DISP3: variants seen among roughly 807,000 people sequenced by gnomAD.
The protein encoded by DISP3 is protein dispatched homolog 3.
A neutral mutation model predicts 135.3 loss-of-function variants in DISP3; 101 were observed. The ratio of observed to expected loss-of-function variants is 0.75; its 90% confidence interval spans 0.64 to 0.88. The LOEUF is 0.88. Ranked by LOEUF, DISP3 falls within the 40% of genes least tolerant of loss-of-function variation. The probability of loss-of-function intolerance (pLI) is 0.00; values close to 1 mark genes in which losing one functional copy is unlikely to be tolerated. For synonymous variants in DISP3, 856 were observed against 817.0 expected (o/e 1.05, Z -0.81); for missense variants, 1,713 against 1,878.6 (o/e 0.91, Z 1.63).
chr1:11,480,779 CT>C (rs1247199473), intron 1 of DISP3, among the ~76,000 whole-genome samples: 1 of 151,122 alleles, frequency 6.6e-6, no homozygotes, highest in African/African-American at 2.4e-5. Context: ...CCTCCTACTA[CT>C]ACACCTGCCA....
In DISP3 at chr1:11,519,475, C is replaced by T. The variant is rs529219532; in HGVS notation, c.2010C>T (p.Ile670=). 6 of 1,613,722 alleles carry T rather than the reference C, an allele frequency of 3.7e-6. No homozygotes were observed. The South Asian group carries it at 6.6e-5, about 18-fold the overall frequency. Residue 670 remains isoleucine (I), a synonymous_variant, in exon 8 of 21, where the codon ATC becomes ATT. Transcript: ENST00000294484. This position sits in a 1 kb window ranked among gnomAD's most constrained non-coding sequence, Gnocchi z 4.3. ...CCATACCCTACCTGGATGATGACAT[C>T]CCCTTGCTGGAGGTCGAGGAAGAGC... The part of the protein sequence containing the change: ...QGPIPYLDDD[I]PLLEVEEEPV...
At chr1:11,502,243 G>GT (rs1557601183) in intron 2 of DISP3, among the ~76,000 whole-genome samples, 155 bp downstream of exon 2, 3 of 152,240 alleles carry the variant, frequency 2.0e-5, no homozygotes, top group Non-Finnish European at 4.4e-5. Context: ...AAAAGGGCTG[G>GT]GCTCAGGTGT....
chr1:11,501,229 C>T lies in DISP3; in HGVS notation c.237C>T (p.Phe79=). ...TNPCCAGLVL[F]LGCSIPMALS... ...CGTGCTGTGCTGGGCTGGTGCTCTT[C>T]CTGGGCTGCAGCATCCCCATGGCCC... Residue 79 remains phenylalanine, a synonymous_variant, in exon 2 of 21, where the codon TTC becomes TTT. Transcript: ENST00000294484. This position sits in a 1 kb window ranked among gnomAD's most constrained non-coding sequence, Gnocchi z 4.9. 1 of 1,614,192 alleles carries T rather than the reference C, an allele frequency of 6.2e-7. No homozygotes were observed. Among genetic ancestry groups the T allele is most frequent in the African/African-American group, 1.3e-5 (1 of 75,062 alleles).
chr1:11,502,229 G>A, intron 2 of DISP3, 141 bp downstream of exon 2: 2 of 1,319,442 alleles, frequency 1.5e-6, no homozygotes, highest in South Asian at 3.2e-5. Flanking sequence ...CGGAGGGCAA[G>A]GTGAAAAGGG....
intron 1 of DISP3, among the ~76,000 whole-genome samples, chr1:11,493,953 C>T (rs549263702): frequency 5.9e-5 from 9 of 152,318 alleles, no homozygotes; most frequent in South Asian, 2.1e-4. Context: ...TGCCAGGCCC[C>T]GAGTGATCTG....
intron 1 of DISP3, among the ~76,000 whole-genome samples, chr1:11,480,928 AAT>A (rs35120754): frequency 0.47 from 70,607 of 150,564 alleles, 17,878 homozygotes; most frequent in East Asian, 0.77. Context: ...TCTCTACCTC[AAT>A]ACTCACTCCT....
At chr1:11,480,794 G>C (rs964822560) in intron 1 of DISP3, among the ~76,000 whole-genome samples, 1 of 151,342 alleles carries the variant, frequency 6.6e-6, no homozygotes, top group Non-Finnish European at 1.5e-5. Flanking sequence ...CCTGCCAGGG[G>C]ACCAGGGGAT....
intron 7 of DISP3, among the ~76,000 whole-genome samples, chr1:11,518,265 C>T (rs1194944117): frequency 1.3e-5 from 2 of 152,184 alleles, no homozygotes; most frequent in East Asian, 1.9e-4. Flanking sequence ...GGACCCATGA[C>T]AATGTCCGCT....
At chr1:11,524,549 AC>A (rs1642351251) in intron 11 of DISP3, among the ~76,000 whole-genome samples, 1 of 151,382 alleles carries the variant, frequency 6.6e-6, no homozygotes, top group Admixed American at 6.6e-5. Context: ...CATCACTGTC[AC>A]CTCCGCTATC....
At chr1:11,522,639 A>ACCCAGCCAGGGCCCAGCCAGG (rs1557615099) in intron 10 of DISP3, among the ~76,000 whole-genome samples, 2 of 50,084 alleles carry the variant, frequency 4.0e-5, no homozygotes, top group Admixed American at 1.8e-4. Flanking sequence ...GCCCAGCCAG[A>ACCCAGCCAGGGCCCAGCCAGG]GCCCAGCCAG....
intron 1 of DISP3, chr1:11,481,932 A>G (rs746575471): frequency 1.3e-5 from 2 of 152,180 alleles, no homozygotes; most frequent in Admixed American, 6.5e-5. Flanking sequence ...CTGAAGTGCA[A>G]TCTTCATTGG....
At chr1:11,533,275 T>TA (rs1297835758) in intron 17 of DISP3, among the ~76,000 whole-genome samples, 2 of 146,356 alleles carry the variant, frequency 1.4e-5, no homozygotes, top group African/African-American at 2.6e-5. Context: ...TTTTTTTTTT[T>TA]AATGGAGTTT....
intron 3 of DISP3, among the ~76,000 whole-genome samples, chr1:11,504,645 A>G (rs1010339502): frequency 6.6e-6 from 1 of 152,174 alleles, no homozygotes; most frequent in Non-Finnish European, 1.5e-5. Context: ...GCAGGAATGG[A>G]TTAGTTCCTG....
At chr1:11,523,696 G>A (rs773865179) in intron 10 of DISP3, among the ~76,000 whole-genome samples, 2 of 152,090 alleles carry the variant, frequency 1.3e-5, no homozygotes, top group South Asian at 2.1e-4. Flanking sequence ...AGCAGGGAGC[G>A]TTTCAGTGTT....
At chr1:11,524,585 C>A (rs570785369) in intron 11 of DISP3, among the ~76,000 whole-genome samples, 1 of 150,882 alleles carries the variant, frequency 6.6e-6, no homozygotes, top group Admixed American at 6.6e-5. Context: ...CCAGTGACTA[C>A]CACCTCCCCC....
chr1:11,501,541 A>G lies in DISP3; in HGVS notation c.549A>G (p.Pro183=). ...TCCCCGCGGCCTCACTCGGTGGCCC[A>G]GGCCCTTACCGGGACACTTCCGCGG... The part of the protein sequence containing the change: ...RVIPAASLGG[P]GPYRDTSAAQ... Residue 183 remains proline, a synonymous_variant, in exon 2 of 21, where the codon CCA becomes CCG. Coordinates refer to ENST00000294484, the MANE Select transcript of DISP3 (RefSeq NM_020780.2). This position sits in a 1 kb window ranked among gnomAD's most constrained non-coding sequence, Gnocchi z 4.9. The G allele has an allele frequency of 6.3e-7, 1 of 1,594,220 alleles. No homozygotes were observed. The highest frequency in any genetic ancestry group is 8.6e-7 in the Non-Finnish European group (1 of 1,169,460).
intron 10 of DISP3, among the ~76,000 whole-genome samples, chr1:11,523,349 C>T (rs1642302227): frequency 6.6e-6 from 1 of 152,206 alleles, no homozygotes; most frequent in Non-Finnish European, 1.5e-5. Context: ...ACAGTCACTC[C>T]TGTTAATTGG....
chr1:11,496,486 G>A (rs902667582), intron 1 of DISP3, among the ~76,000 whole-genome samples: 1 of 152,144 alleles, frequency 6.6e-6, no homozygotes, highest in African/African-American at 2.4e-5. Flanking sequence ...CACCCCCATG[G>A]CCACAGTCCT....
chr1:11,494,638 A>G (rs1229926909), intron 1 of DISP3, among the ~76,000 whole-genome samples: 1 of 151,956 alleles, frequency 6.6e-6, no homozygotes, highest in Admixed American at 6.5e-5. Context: ...GCTTCTGCCC[A>G]AAACTCTCGA....
Sources: allele counts gnomAD v4.1 joint callset (sites outside exome capture counted in the v4.1 genomes callset), GRCh38; gene constraint gnomAD v4.1.1; non-coding constraint Gnocchi (gnomAD v3.1); transcripts MANE v1.5; gene names NCBI Gene and HGNC (gene_info 2026-07-23, HGNC 2026-07-21).